The following LRRC4C variants were observed in gnomAD, a reference collection of about 807,000 sequenced individuals.
The protein encoded by LRRC4C is leucine-rich repeat-containing protein 4C.
In LRRC4C, 5 loss-of-function variants were observed where a neutral mutation model predicts 33.6. The ratio of observed to expected loss-of-function variants is 0.15; its 90% confidence interval spans 0.08 to 0.31. The LOEUF (loss-of-function observed/expected upper bound fraction) is 0.31, where lower values mean the gene tolerates loss of function less well. LRRC4C is among the 10% of genes least tolerant of loss of function. The pLI is 1.00. For missense variants in LRRC4C, 560 were observed against 796.7 expected, an observed-to-expected ratio of 0.70 and a Z score of 3.58; for synonymous variants, 329 against 302.0, an observed-to-expected ratio of 1.09 and a Z score of -0.93.
intron 1 of LRRC4C, among the ~76,000 whole-genome samples, chr11:41,173,578 G>C (rs1046995144): frequency 2.6e-5 from 4 of 152,074 alleles, no homozygotes; most frequent in Admixed American, 2.6e-4. Context: ...GGTCTAGGTA[G>C]CTCATACTTA....
At chr11:40,294,519 G>A (rs772236072) in intron 4 of LRRC4C, among the ~76,000 whole-genome samples, 6 of 152,060 alleles carry the variant, frequency 3.9e-5, no homozygotes, top group Non-Finnish European at 8.8e-5. Flanking sequence ...CTGGTCCCAA[G>A]CTGAGGATTA....
intron 1 of LRRC4C, among the ~76,000 whole-genome samples, chr11:41,205,999 G>T (rs1007897696): frequency 2.0e-5 from 3 of 152,020 alleles, no homozygotes; most frequent in Non-Finnish European, 2.9e-5. Context: ...GTATACTATA[G>T]ATATGTCAAG....
intron 4 of LRRC4C, among the ~76,000 whole-genome samples, chr11:40,261,934 A>G (rs1438793616): frequency 5.9e-5 from 9 of 152,170 alleles, no homozygotes; most frequent in African/African-American, 2.2e-4. Flanking sequence ...AGACTTCATG[A>G]CTAAAACACC....
At chr11:40,492,999 T>C (rs1042573294) in intron 3 of LRRC4C, among the ~76,000 whole-genome samples, 5 of 151,808 alleles carry the variant, frequency 3.3e-5, no homozygotes, top group African/African-American at 1.2e-4. Context: ...TACTTGAAAG[T>C]GGAAAACAGT....
Position 40,295,232 on chromosome 11 carries a change from T to G in LRRC4C, c.-176+24396A>C, listed in dbSNP as rs545651910. The stretch of plus-strand genomic sequence containing the variant: ...TATAATTTTCATAAGGCCCTTTCAG[T>G]TAATCTATGGGCATTCACTTTATGT... On this transcript the variant is annotated intron_variant, in intron 4 of 6. Coordinates refer to ENST00000528697, the MANE Select transcript of LRRC4C (RefSeq NM_001258419.2). Among the ~76,000 whole-genome samples, 116 of 152,294 alleles carry G rather than the reference T, an allele frequency of 7.6e-4. 1 individual carries two copies. Among genetic ancestry groups the G allele is most frequent in the African/African-American group, 2.7e-3 (112 of 41,560 alleles).
intron 4 of LRRC4C, among the ~76,000 whole-genome samples, chr11:40,302,940 G>A (rs1209131832): frequency 6.6e-6 from 1 of 152,126 alleles, no homozygotes; most frequent in African/African-American, 2.4e-5. Flanking sequence ...TTTAAGGCTG[G>A]AACTTAAGGG....
At chr11:40,177,163 CA>C (rs1478904233) in intron 5 of LRRC4C, among the ~76,000 whole-genome samples, 2 of 151,896 alleles carry the variant, frequency 1.3e-5, no homozygotes, top group Non-Finnish European at 2.9e-5. Context: ...TTGTGTTAGC[CA>C]GGATGGTCTT....
chr11:40,958,494 A>G (rs1277839786), intron 1 of LRRC4C, among the ~76,000 whole-genome samples: 2 of 151,768 alleles, frequency 1.3e-5, no homozygotes, highest in Non-Finnish European at 2.9e-5. Context: ...AATAGTCCCT[A>G]TAAGTTTGAG....
chr11:41,271,227 A>T (rs1949309519), intron 1 of LRRC4C, among the ~76,000 whole-genome samples: 1 of 151,936 alleles, frequency 6.6e-6, no homozygotes, highest in African/African-American at 2.4e-5. Context: ...CTCCTTCCTA[A>T]CTTAAGTATT....
chr11:41,147,295 A>C (rs1033517623), intron 1 of LRRC4C, among the ~76,000 whole-genome samples: 2 of 152,244 alleles, frequency 1.3e-5, no homozygotes, highest in African/African-American at 4.8e-5. Flanking sequence ...CATAAAAAAC[A>C]CAGGCTATTC....
chr11:40,230,434 T>C (rs560986788), intron 5 of LRRC4C, among the ~76,000 whole-genome samples: 1 of 151,930 alleles, frequency 6.6e-6, no homozygotes, highest in Non-Finnish European at 1.5e-5. Flanking sequence ...AAGAAGAAAA[T>C]TGGCAGGGGA....
intron 1 of LRRC4C, among the ~76,000 whole-genome samples, chr11:40,973,084 G>C (rs1223221017): frequency 6.6e-6 from 1 of 152,050 alleles, no homozygotes; most frequent in Non-Finnish European, 1.5e-5. Context: ...CTTCCACTAT[G>C]ATTGTAAGTT....
intron 3 of LRRC4C, among the ~76,000 whole-genome samples, chr11:40,543,956 A>G (rs1330767999): frequency 1.3e-5 from 2 of 152,092 alleles, no homozygotes; most frequent in African/African-American, 4.8e-5. Flanking sequence ...TGACAGCTAA[A>G]GGAGGGTTTT....
intron 5 of LRRC4C, among the ~76,000 whole-genome samples, chr11:40,180,927 G>C (rs1165537261): frequency 6.6e-6 from 1 of 152,186 alleles, no homozygotes; most frequent in Non-Finnish European, 1.5e-5. Flanking sequence ...ATCAGAGATA[G>C]GCAGCATTTT....
At position 40,252,304 on chromosome 11, in the gene LRRC4C, T is replaced by A. The variant is rs182341453; in HGVS notation, c.-175-10706A>T. ...AATCATAATATACCCACCTAATATA[T>A]ACACACACACACAACCCTAACACAT... On this transcript the variant is annotated intron_variant, in intron 4 of 6. Coordinates refer to ENST00000528697, the MANE Select transcript of LRRC4C (RefSeq NM_001258419.2). 1.8e-3 allele frequency among the ~76,000 whole-genome samples: 266 copies of A among 151,418 alleles called. 1 individual carries two copies. The highest frequency in any genetic ancestry group is 6.2e-3 in the African/African-American group (254 of 41,294).
intron 3 of LRRC4C, among the ~76,000 whole-genome samples, chr11:40,470,819 A>T (rs1952894079): frequency 6.6e-6 from 1 of 152,188 alleles, no homozygotes; most frequent in Non-Finnish European, 1.5e-5. Flanking sequence ...ATAAAGCATG[A>T]AAACAAAATT....
chr11:41,142,505 T>C (rs1160315360), intron 1 of LRRC4C, among the ~76,000 whole-genome samples: 1 of 152,142 alleles, frequency 6.6e-6, no homozygotes, highest in African/African-American at 2.4e-5. Context: ...GATTTAATGG[T>C]TACTAGGGAT....
chr11:41,292,403 C>A (rs572110827), intron 1 of LRRC4C, among the ~76,000 whole-genome samples: 2 of 148,768 alleles, frequency 1.3e-5, no homozygotes, highest in South Asian at 2.1e-4. Flanking sequence ...TAAACAGCAG[C>A]GTAAAAAAAA....
At chr11:41,363,189 G>A (rs1952417169) in intron 1 of LRRC4C, among the ~76,000 whole-genome samples, 1 of 152,012 alleles carries the variant, frequency 6.6e-6, no homozygotes, top group Non-Finnish European at 1.5e-5. Context: ...AGATAATATT[G>A]GGCATTTCTC....
Sources: gnomAD v4.1 joint callset for allele counts (sites outside exome capture counted in the v4.1 genomes callset) on GRCh38, gnomAD v4.1.1 for gene constraint, MANE v1.5 for transcripts, NCBI Gene and HGNC (gene_info 2026-07-23, HGNC 2026-07-21) for gene names.